The following LRPPRC variants were observed in gnomAD, a reference collection of about 807,000 sequenced individuals.
LRPPRC encodes leucine rich pentatricopeptide repeat containing, also known as leucine-rich PPR motif-containing protein, mitochondrial.
In LRPPRC, 120 loss-of-function variants were observed where a neutral mutation model predicts 180.3. The ratio of observed to expected loss-of-function variants is 0.67; its 90% CI spans 0.57 to 0.77. The LOEUF (loss-of-function observed/expected upper bound fraction) is 0.77, where lower values mean the gene tolerates loss of function less well. LRPPRC is among the 30% of genes least tolerant of loss of function. The pLI is 0.00. For synonymous variants in LRPPRC, 723 were observed against 600.0 expected, an observed-to-expected ratio of 1.21 and a Z score of -3.00; for missense variants, 2,012 against 1,657.2, an observed-to-expected ratio of 1.21 and a Z score of -3.72.
chr2:43,909,428 C>T (rs1256280629), intron 30 of LRPPRC, among the ~76,000 whole-genome samples: 1 of 151,822 alleles, frequency 6.6e-6, no homozygotes, highest in East Asian at 1.9e-4. Context: ...ATGGTAGACA[C>T]CAAAGACTGG....
chr2:43,951,520 ATT>A (rs1340165980), intron 14 of LRPPRC, among the ~76,000 whole-genome samples: 1 of 152,198 alleles, frequency 6.6e-6, no homozygotes, highest in Non-Finnish European at 1.5e-5. Context: ...ACTAGGATTA[ATT>A]TTGTCAGGTA....
At chr2:43,940,393 T>C (rs1672435649) in intron 23 of LRPPRC, among the ~76,000 whole-genome samples, 1 of 152,174 alleles carries the variant, frequency 6.6e-6, no homozygotes, top group Admixed American at 6.6e-5. Flanking sequence ...CATATTAAAG[T>C]GTTACAGTGA....
intron 35 of LRPPRC, among the ~76,000 whole-genome samples, 196 bp from the exon 36 acceptor site, chr2:43,894,825 T>A (rs1004806621): frequency 2.6e-5 from 4 of 152,186 alleles, no homozygotes; most frequent in Non-Finnish European, 5.9e-5. Flanking sequence ...AAACCAGCAT[T>A]TTTCCACAGG....
chr2:43,945,319 T>G lies in LRPPRC; in HGVS notation c.2296+13A>C, dbSNP rs533220652. 72 of 1,580,412 alleles carry G rather than the reference T, an allele frequency of 4.6e-5. No homozygotes were observed. The South Asian group carries it at 6.9e-4, about 15-fold the overall frequency. On this transcript the variant is annotated intron_variant, in intron 22 of 37. Coordinates refer to ENST00000260665, the MANE Select transcript of LRPPRC (RefSeq NM_133259.4). ...ACTTGCATCACATATTTCCTTTATGTGCTGAGGCTTACCTTGGAGCTTGCC... is the reference window on the plus strand; with the variant it reads ...ACTTGCATCACATATTTCCTTTATGGGCTGAGGCTTACCTTGGAGCTTGCC...
intron 1 of LRPPRC, among the ~76,000 whole-genome samples, chr2:43,988,913 A>G (rs550147290): frequency 3.3e-5 from 5 of 152,172 alleles, no homozygotes; most frequent in African/African-American, 1.2e-4. Context: ...TCTGTTGTCC[A>G]GGCTGGAGTG....
chr2:43,898,967 G>A (rs887342378), intron 34 of LRPPRC, among the ~76,000 whole-genome samples: 10 of 151,932 alleles, frequency 6.6e-5, no homozygotes, highest in African/African-American at 2.2e-4. Context: ...ACCTACCCCC[G>A]CACCACCCGC....
rs528230377 is a variant in LRPPRC at position 43,933,712 on chromosome 2, G to A, written c.2736+478C>T. Among the ~76,000 whole-genome samples the A allele has an allele frequency of 1.4e-3, 218 of 152,124 alleles. 1 individual carries two copies. Among genetic ancestry groups the A allele is most frequent in the Admixed American group, 3.6e-3 (55 of 15,286 alleles). On this transcript the variant is annotated intron_variant, in intron 25 of 37. Coordinates refer to ENST00000260665, the MANE Select transcript of LRPPRC (RefSeq NM_133259.4). ...CTGCTTAGCATAGTGGAAAAAAAAA[G>A]AAGAAGAAAATTTAAATTAAATGCC...
intron 20 of LRPPRC, 105 bp downstream of exon 20, chr2:43,947,152 A>T: frequency 1.6e-6 from 1 of 622,558 alleles, no homozygotes; most frequent in Non-Finnish European, 2.8e-6. Flanking sequence ...CAAGCCTGAC[A>T]TATAACGATC....
At chr2:43,943,544 T>G (rs1672566046) in intron 23 of LRPPRC, 143 bp downstream of exon 23, 1 of 691,776 alleles carries the variant, frequency 1.4e-6, no homozygotes, top group Non-Finnish European at 2.6e-6. Context: ...AAAGGTCACC[T>G]AGTTCATATT....
At chr2:43,913,356 G>C (rs1430192263) in intron 29 of LRPPRC, among the ~76,000 whole-genome samples, 1 of 152,136 alleles carries the variant, frequency 6.6e-6, no homozygotes, top group Non-Finnish European at 1.5e-5. Context: ...TCACAATAAA[G>C]ATGGGGCATA....
At position 43,941,617 on chromosome 2, in the gene LRPPRC, T is replaced by C. The variant is rs181979308; in HGVS notation, c.2504+2070A>G. 5.4e-4 allele frequency among the ~76,000 whole-genome samples: 82 copies of C among 152,220 alleles called. 1 individual carries two copies. The highest frequency in any genetic ancestry group is 1.8e-3 in the African/African-American group (75 of 41,552). ...GAATTAATTAGCTATCTTCCATCAG[T>C]TGGAGAAAACACAATTGAGAAAGAG... On this transcript the variant is annotated intron_variant, in intron 23 of 37. Coordinates refer to ENST00000260665, the MANE Select transcript of LRPPRC (RefSeq NM_133259.4).
chr2:43,938,186 T>TAA (rs58510012), intron 23 of LRPPRC, among the ~76,000 whole-genome samples: 19 of 146,870 alleles, frequency 1.3e-4, no homozygotes, highest in Non-Finnish European at 1.4e-4. Context: ...TTACCCTTTA[T>TAA]AAAAAAAAAA....
intron 37 of LRPPRC, 96 bp downstream of exon 37, chr2:43,889,638 A>G: frequency 2.9e-6 from 3 of 1,031,042 alleles, no homozygotes; most frequent in Non-Finnish European, 4.6e-6. Context: ...TCTAATCCTC[A>G]TGTAATTAAG....
At position 43,890,175 on chromosome 2, in the gene LRPPRC, G is replaced by T. The variant is rs1298289813; in HGVS notation, c.3986-299C>A. 3 of 426,484 alleles carry T rather than the reference G, an allele frequency of 7.0e-6. No homozygotes were observed. The Admixed American group carries it at 1.1e-4, about 15-fold the overall frequency. 26.4% of individuals were successfully genotyped at this position (426,484 alleles called of 1,614,324 possible). On this transcript the variant is annotated intron_variant, in intron 36 of 37. Coordinates refer to ENST00000260665, the MANE Select transcript of LRPPRC (RefSeq NM_133259.4). ...ATTACATTATTTAAGACCTATGATAGTTCAAGTGACCACAAACTGAAGTCC... is the reference window on the plus strand; with the variant it reads ...ATTACATTATTTAAGACCTATGATATTTCAAGTGACCACAAACTGAAGTCC...
intron 11 of LRPPRC, among the ~76,000 whole-genome samples, chr2:43,972,360 C>T (rs1673859482): frequency 6.6e-6 from 1 of 152,204 alleles, no homozygotes; most frequent in African/African-American, 2.4e-5. Context: ...AATTACCTAA[C>T]TCTTTTATGT....
chr2:43,920,337 T>A (rs1353059348), intron 27 of LRPPRC, among the ~76,000 whole-genome samples: 5 of 152,126 alleles, frequency 3.3e-5, no homozygotes, highest in Non-Finnish European at 7.4e-5. Flanking sequence ...GGTTTCACCA[T>A]GTTGGCCAGG....
chr2:43,950,256 G>A (rs1360862761), intron 15 of LRPPRC, among the ~76,000 whole-genome samples: 1 of 151,918 alleles, frequency 6.6e-6, no homozygotes, highest in Admixed American at 6.6e-5. Context: ...TACATGTGCA[G>A]GATGTGCAGG....
At chr2:43,901,551 T>C in intron 31 of LRPPRC, 27 bp from the exon 32 acceptor site, 1 of 1,448,630 alleles carries the variant, frequency 6.9e-7, no homozygotes, top group Non-Finnish European at 9.7e-7. Context: ...GGAGATGGCT[T>C]TTCTTATATG....
chr2:43,956,325 A>G (rs1192463062), intron 14 of LRPPRC, among the ~76,000 whole-genome samples: 1 of 152,200 alleles, frequency 6.6e-6, no homozygotes, highest in Non-Finnish European at 1.5e-5. Flanking sequence ...TGGACTACAT[A>G]TATCAGATGG....
Sources: gnomAD v4.1 joint callset for allele counts (sites outside exome capture counted in the v4.1 genomes callset) on GRCh38, gnomAD v4.1.1 for gene constraint, MANE v1.5 for transcripts, NCBI Gene and HGNC (gene_info 2026-07-23, HGNC 2026-07-21) for gene names.